Variants in HECW1 observed in about 807,000 individuals in gnomAD.
HECW1 encodes E3 ubiquitin-protein ligase HECW1.
In HECW1, 61 loss-of-function variants were observed where a neutral mutation model predicts 182.3. The observed-to-expected ratio is 0.33, with a 90% CI of 0.27 to 0.41. HECW1 has a LOEUF of 0.41. HECW1 is among the 10% of genes least tolerant of loss of function. HECW1 has a pLI of 1.00. For synonymous variants in HECW1, 859 were observed against 832.6 expected (o/e 1.03, Z -0.55); for missense variants, 1,739 against 2,108.9 (o/e 0.82, Z 3.44).
At chr7:43,280,219 A>C (rs959707711) in intron 3 of HECW1, among the ~76,000 whole-genome samples, 1 of 152,214 alleles carries the variant, frequency 6.6e-6, no homozygotes, top group African/African-American at 2.4e-5. Flanking sequence ...GACAGAGCCC[A>C]TCTGCACTTT....
At chr7:43,359,498 A>G (rs2052147) in intron 5 of HECW1, among the ~76,000 whole-genome samples, 4,476 of 152,336 alleles carry the variant, frequency 0.029, 212 homozygotes, top group African/African-American at 0.1. Flanking sequence ...TGCAATGTGT[A>G]AATCTATTCA....
At chr7:43,458,943 C>G (rs554099356) in intron 13 of HECW1, among the ~76,000 whole-genome samples, 31 of 152,328 alleles carry the variant, frequency 2.0e-4, no homozygotes, top group Middle Eastern at 3.4e-3. Context: ...CTAGGAAGTA[C>G]AGAGTACACA....
At chr7:43,477,572 T>C (rs6965038) in intron 16 of HECW1, among the ~76,000 whole-genome samples, 27,428 of 152,170 alleles carry the variant, frequency 0.18, 2,549 homozygotes, top group Middle Eastern at 0.24. Flanking sequence ...TACCAATTTT[T>C]CAAGGGTATA....
chr7:43,516,997 C>CT (rs905600100), intron 24 of HECW1, among the ~76,000 whole-genome samples: 16 of 152,298 alleles, frequency 1.1e-4, no homozygotes, highest in African/African-American at 3.6e-4. Context: ...CCGTTATAAT[C>CT]TTTTGAGACC....
chr7:43,537,188 C>T (rs866997953), intron 24 of HECW1, among the ~76,000 whole-genome samples: 5 of 152,178 alleles, frequency 3.3e-5, no homozygotes, highest in African/African-American at 9.7e-5. Flanking sequence ...GGCTCTCGAA[C>T]GGGGCCCTGG....
chr7:43,123,465 A>G (rs1785853841), intron 2 of HECW1, among the ~76,000 whole-genome samples: 1 of 152,292 alleles, frequency 6.6e-6, no homozygotes, highest in East Asian at 1.9e-4. Context: ...GCGCTTTGAC[A>G]TAAGTTGCCT....
intron 29 of HECW1, among the ~76,000 whole-genome samples, chr7:43,560,029 C>G (rs574219755): frequency 6.6e-6 from 1 of 152,266 alleles, no homozygotes; most frequent in African/African-American, 2.4e-5. Flanking sequence ...AATATTTCCA[C>G]TCATGAGTGC....
At chr7:43,115,328 A>G (rs547780023) in intron 2 of HECW1, among the ~76,000 whole-genome samples, 1 of 143,606 alleles carries the variant, frequency 7.0e-6, no homozygotes, top group South Asian at 2.2e-4. Flanking sequence ...CCACTATAGC[A>G]AAACATTTGG....
chr7:43,240,887 G>T (rs1254386514), intron 2 of HECW1, among the ~76,000 whole-genome samples: 1 of 152,176 alleles, frequency 6.6e-6, no homozygotes, highest in East Asian at 1.9e-4. Flanking sequence ...GTGCCACAAG[G>T]GTCTGCAGAG....
intron 11 of HECW1, among the ~76,000 whole-genome samples, chr7:43,449,576 G>T (rs2077167389): frequency 6.6e-6 from 1 of 152,150 alleles, no homozygotes; most frequent in Admixed American, 6.5e-5. Context: ...TCCTTTCCAT[G>T]TGTGGATATT....
At position 43,444,388 on chromosome 7, in the gene HECW1, G is replaced by C. The variant is rs750136368; in HGVS notation, c.1216G>C (p.Gly406Arg). The change falls in exon 11 of 30, where the codon GGG becomes CGG. Residue 406 changes from glycine (G) to arginine (R), a missense_variant. Coordinates refer to ENST00000395891, the MANE Select transcript of HECW1 (RefSeq NM_015052.5). This position sits in a 1 kb window ranked among gnomAD's most constrained non-coding sequence, Gnocchi z 4.3. The stretch of plus-strand genomic sequence containing the variant: ...TGAGGGCAGTGTCCCCGATGGTCCA[G>C]GGAACCAAAGCATAGAGCTTTCCAG... ...LGEGSVPDGPGNQSIELSRPA... is the reference protein window; with the variant it reads ...LGEGSVPDGPRNQSIELSRPA... 7 of 1,613,976 alleles carry C rather than the reference G, an allele frequency of 4.3e-6. No homozygotes were observed. The Admixed American group carries it at 6.7e-5, about 15-fold the overall frequency.
At chr7:43,447,015 G>A (rs1299098529) in intron 11 of HECW1, among the ~76,000 whole-genome samples, 1 of 152,164 alleles carries the variant, frequency 6.6e-6, no homozygotes, top group Admixed American at 6.5e-5. Flanking sequence ...AAAGGAGATT[G>A]GGGGATTCCC....
intron 3 of HECW1, among the ~76,000 whole-genome samples, chr7:43,301,682 G>T (rs934867960): frequency 3.3e-5 from 5 of 152,124 alleles, no homozygotes; most frequent in Non-Finnish European, 2.9e-5. Flanking sequence ...AGACCAGCCT[G>T]GCCAACATGG....
chr7:43,442,274 C>A (rs1245892304), intron 9 of HECW1, among the ~76,000 whole-genome samples: 3 of 152,242 alleles, frequency 2.0e-5, no homozygotes. Context: ...TGATGTTTGG[C>A]AGGCTAAATG....
At position 43,432,491 on chromosome 7, in the gene HECW1, G is replaced by A. The variant is rs557162511; in HGVS notation, c.802-5512G>A. ...AAAGCATTATGTTCTCTAGGAAATC[G>A]TCTCTACCTGTCCATCAGGCTGAGC... On this transcript the variant is annotated intron_variant, in intron 8 of 29. Coordinates refer to ENST00000395891, the MANE Select transcript of HECW1 (RefSeq NM_015052.5). The surrounding 1 kb of genome is among the most constrained non-coding windows in gnomAD (Gnocchi z 4.1). Among the ~76,000 whole-genome samples the A allele has an allele frequency of 2.0e-5, 3 of 152,276 alleles. No individual in the cohort carries two copies. In the South Asian group the frequency reaches 6.2e-4, roughly 32 times the overall value.
chr7:43,335,149 G>A (rs985847189), intron 5 of HECW1, among the ~76,000 whole-genome samples: 13 of 152,186 alleles, frequency 8.5e-5, no homozygotes, highest in African/African-American at 3.1e-4. Context: ...AAGGGAAAAG[G>A]CAGAAAGAGT....
intron 2 of HECW1, among the ~76,000 whole-genome samples, chr7:43,177,305 GT>G (rs1192709920): frequency 6.6e-6 from 1 of 152,144 alleles, no homozygotes; most frequent in Admixed American, 6.5e-5. Flanking sequence ...CTGATCATTG[GT>G]GGTGGGGCCT....
chr7:43,439,300 AAAG>A, intron 9 of HECW1: 1 of 152,302 alleles, frequency 6.6e-6, no homozygotes, highest in Non-Finnish European at 1.5e-5. Flanking sequence ...CAAGGCTTCA[AAAG>A]GATCAATAAT....
At chr7:43,207,184 T>A (rs1795556131) in intron 2 of HECW1, among the ~76,000 whole-genome samples, 1 of 152,120 alleles carries the variant, frequency 6.6e-6, no homozygotes, top group Admixed American at 6.5e-5. Context: ...CTAGCTGGGA[T>A]TACAGGTGCA....
Sources: allele counts gnomAD v4.1 joint callset (sites outside exome capture counted in the v4.1 genomes callset), GRCh38; gene constraint gnomAD v4.1.1; non-coding constraint Gnocchi (gnomAD v3.1); transcripts MANE v1.5; gene names NCBI Gene and HGNC (gene_info 2026-07-23, HGNC 2026-07-21).